MYO16: variants seen among roughly 807,000 people sequenced by gnomAD.
MYO16 encodes the protein myosin XVI, also known as unconventional myosin-XVI.
Under a neutral mutation model 205.3 loss-of-function variants are expected in MYO16, and 94 were observed. That is an observed-to-expected ratio of 0.46 (90% CI 0.39 to 0.54). The LOEUF (loss-of-function observed/expected upper bound fraction) is 0.54, where lower values mean the gene tolerates loss of function less well. Among genes scored for constraint, MYO16 ranks in the 20% least tolerant of loss-of-function variants. The pLI, the probability that MYO16 is intolerant of heterozygous loss-of-function variation, is 0.00. For synonymous variants in MYO16, 988 were observed against 954.0 expected, an observed-to-expected ratio of 1.04 and a Z score of -0.66; for missense variants, 2,315 against 2,387.5, an observed-to-expected ratio of 0.97 and a Z score of 0.63.
intron 23 of MYO16, among the ~76,000 whole-genome samples, chr13:109,033,432 A>G (rs148583093): frequency 9.5e-4 from 144 of 152,218 alleles, no homozygotes; most frequent in Non-Finnish European, 8.5e-4. Context: ...CAAGAGCTCC[A>G]TTATCTTTCT....
At chr13:108,997,188 G>A (rs1291861412) in intron 21 of MYO16, among the ~76,000 whole-genome samples, 1 of 151,866 alleles carries the variant, frequency 6.6e-6, no homozygotes, top group African/African-American at 2.4e-5. Context: ...CCACTCAGGA[G>A]AATGAGACAT....
chr13:109,125,276 G>T lies in MYO16; in HGVS notation c.3700G>T (p.Asp1234Tyr). Residue 1234 changes from aspartate to tyrosine, a missense_variant, in exon 30 of 35, where the codon GAC becomes TAC. Transcript: ENST00000457511. The surrounding 1 kb of genome is among the most constrained non-coding windows in gnomAD (Gnocchi z 4.0). ...TGCTTCAGACATTGCCCGGGAAAATGACCGGCTCCGTAGTGAAATGAACGC... is the reference window on the plus strand; with the variant it reads ...TGCTTCAGACATTGCCCGGGAAAATTACCGGCTCCGTAGTGAAATGAACGC... ...QNASDIAREN[D>Y]RLRSEMNAPY... 1.2e-6 allele frequency: 2 copies of T among 1,614,136 alleles called. No individual in the cohort carries two copies. The highest frequency in any genetic ancestry group is 2.2e-5 in the South Asian group (2 of 91,032).
At chr13:109,022,315 T>TA (rs1886069243) in intron 23 of MYO16, among the ~76,000 whole-genome samples, 2 of 14,970 alleles carry the variant, frequency 1.3e-4, no homozygotes, top group African/African-American at 8.6e-4. Flanking sequence ...TATTTATATA[T>TA]TATATACAAA....
intron 34 of MYO16, among the ~76,000 whole-genome samples, chr13:109,184,645 G>A (rs767060914): frequency 2.3e-4 from 35 of 152,136 alleles, no homozygotes; most frequent in Non-Finnish European, 4.7e-4. Flanking sequence ...GTCCCAGGCT[G>A]GAGTTCAGTG....
chr13:109,023,135 A>C (rs1288811820), intron 23 of MYO16, among the ~76,000 whole-genome samples: 2 of 131,298 alleles, frequency 1.5e-5, no homozygotes, highest in Admixed American at 8.7e-5. Flanking sequence ...ATATAAATTT[A>C]TGTATATGTT....
intron 2 of MYO16, among the ~76,000 whole-genome samples, chr13:108,703,553 T>C (rs886363607): frequency 1.3e-5 from 2 of 152,154 alleles, no homozygotes; most frequent in Non-Finnish European, 2.9e-5. Flanking sequence ...AACAACCATA[T>C]ACAGCAGAAA....
intron 2 of MYO16, among the ~76,000 whole-genome samples, chr13:108,693,704 C>T (rs1322397749): frequency 6.6e-6 from 1 of 152,156 alleles, no homozygotes; most frequent in African/African-American, 2.4e-5. Flanking sequence ...CTTTGTTGGA[C>T]TACCTGGTTT....
chr13:108,915,598 G>T (rs9805313), intron 16 of MYO16, among the ~76,000 whole-genome samples: 1 of 151,888 alleles, frequency 6.6e-6, no homozygotes, highest in Non-Finnish European at 1.5e-5. Flanking sequence ...CTGCTTTTGG[G>T]AATTGAGATT....
intron 25 of MYO16, 107 bp downstream of exon 25, chr13:109,052,582 T>C (rs953498862): frequency 3.6e-6 from 3 of 829,794 alleles, no homozygotes; most frequent in Admixed American, 5.6e-5. Context: ...GAAATAGATA[T>C]TCTAATAGAA....
At chr13:108,939,441 G>A (rs1419817983) in intron 16 of MYO16, among the ~76,000 whole-genome samples, 1 of 152,116 alleles carries the variant, frequency 6.6e-6, no homozygotes, top group Non-Finnish European at 1.5e-5. Context: ...CTGTTTGCTG[G>A]TATCCTCCTC....
At chr13:108,801,737 C>G (rs1217242641) in intron 6 of MYO16, among the ~76,000 whole-genome samples, 2 of 152,136 alleles carry the variant, frequency 1.3e-5, no homozygotes. Flanking sequence ...ATCATCTTCT[C>G]ATCTTTTAAA....
chr13:108,538,581 C>A, the MYO16 span, among the ~76,000 whole-genome samples: 1 of 152,004 alleles, frequency 6.6e-6, no homozygotes, highest in Non-Finnish European at 1.5e-5. Flanking sequence ...GAATGAAAGT[C>A]AAGAGGTAGA....
At chr13:109,173,086 T>G (rs1566547829) in intron 33 of MYO16, among the ~76,000 whole-genome samples, 1 of 152,274 alleles carries the variant, frequency 6.6e-6, no homozygotes. Context: ...GGTTGGAGGA[T>G]TCAAAATAAT....
At chr13:108,746,387 G>A (rs1342236612) in intron 4 of MYO16, among the ~76,000 whole-genome samples, 7 of 152,100 alleles carry the variant, frequency 4.6e-5, no homozygotes, top group Non-Finnish European at 7.4e-5. Context: ...TTTGACATGT[G>A]TAATGGGAGT....
chr13:108,659,741 G>A (rs903202316), intron 1 of MYO16, among the ~76,000 whole-genome samples: 10 of 152,080 alleles, frequency 6.6e-5, no homozygotes, highest in African/African-American at 1.2e-4. Context: ...ATAATTGTCC[G>A]TTCTGCAATT....
At chr13:108,947,494 T>C (rs766902003) in intron 16 of MYO16, among the ~76,000 whole-genome samples, 8 of 152,188 alleles carry the variant, frequency 5.3e-5, no homozygotes, top group Non-Finnish European at 1.2e-4. Context: ...CAACCCACAC[T>C]TTCTGAGCAA....
Position 108,732,574 on chromosome 13 carries a change from T to C in MYO16, c.507+4991T>C, listed in dbSNP as rs184480097. ...GGAGACCAGCACAGCTGCAGTGAAG[T>C]GACAGGGGTCAGGGGATAGATGTAC... On this transcript the variant is annotated intron_variant, in intron 4 of 34. Coordinates refer to ENST00000457511, the MANE Select transcript of MYO16 (RefSeq NM_001198950.3). Among the ~76,000 whole-genome samples the C allele has an allele frequency of 3.1e-4, 47 of 152,192 alleles. No individual in the cohort carries two copies. In the East Asian group the frequency reaches 7.9e-3, roughly 26 times the overall value.
At chr13:108,497,714 A>C in the MYO16 span, among the ~76,000 whole-genome samples, 40 of 152,144 alleles carry the variant, frequency 2.6e-4, no homozygotes, top group Middle Eastern at 3.2e-3. Flanking sequence ...TGCACGTGTA[A>C]TTAATACTAT....
At chr13:109,079,102 G>C (rs540702365) in intron 27 of MYO16, among the ~76,000 whole-genome samples, 60 of 152,246 alleles carry the variant, frequency 3.9e-4, no homozygotes, top group African/African-American at 1.3e-3. Flanking sequence ...TCCACTCAGA[G>C]AGATCTCCAG....
Sources: gnomAD v4.1 joint callset for allele counts (sites outside exome capture counted in the v4.1 genomes callset) on GRCh38, gnomAD v4.1.1 for gene constraint, Gnocchi (gnomAD v3.1) non-coding constraint, MANE v1.5 for transcripts, NCBI Gene and HGNC (gene_info 2026-07-23, HGNC 2026-07-21) for gene names.